Variants in NTAN1 observed in about 807,000 individuals in gnomAD.
NTAN1 encodes protein N-terminal asparagine amidohydrolase.
Under a neutral mutation model 41.9 loss-of-function variants are expected in NTAN1, and 32 were observed. The ratio of observed to expected loss-of-function variants is 0.76; its 90% confidence interval spans 0.58 to 1.03. The LOEUF (loss-of-function observed/expected upper bound fraction) is 1.03. NTAN1 is among the 50% of genes least tolerant of loss of function. NTAN1 has a pLI of 0.00. For missense variants in NTAN1, 377 were observed against 377.5 expected, an observed-to-expected ratio of 1.00 and a Z score of 0.01; for synonymous variants, 140 against 139.5, an observed-to-expected ratio of 1.00 and a Z score of -0.03.
intron 5 of NTAN1, among the ~76,000 whole-genome samples, chr16:15,043,816 C>T (rs916492685): frequency 2.6e-5 from 4 of 151,882 alleles, no homozygotes; most frequent in African/African-American, 4.8e-5. Flanking sequence ...GGTGTGGTGG[C>T]GCACGCCTGT....
intron 1 of NTAN1, 71 bp from the exon 2 acceptor site, chr16:15,048,170 G>C (rs1168229797): frequency 6.5e-6 from 7 of 1,078,016 alleles, no homozygotes; most frequent in Admixed American, 6.2e-5. Flanking sequence ...GATGTGGAGA[G>C]AGCCAAAGTG....
At chr16:15,040,430 T>G (rs997371740) in intron 7 of NTAN1, 6 of 220,010 alleles carry the variant, frequency 2.7e-5, no homozygotes, top group African/African-American at 1.1e-4. Context: ...ATCTTCACAA[T>G]TTAGTATTTT....
intron 1 of NTAN1, among the ~76,000 whole-genome samples, chr16:15,055,233 C>T (rs571646294): frequency 1.3e-5 from 2 of 152,274 alleles, no homozygotes; most frequent in East Asian, 1.9e-4. Context: ...CCTGCATAAG[C>T]GTGGACAAGA....
chr16:15,047,508 G>C lies in NTAN1; in HGVS notation c.293C>G (p.Thr98Ser). 6.2e-7 allele frequency: 1 copy of C among 1,614,078 alleles called. No homozygotes were observed. The highest frequency in any genetic ancestry group is 8.5e-7 in the Non-Finnish European group (1 of 1,179,932). Residue 98 changes from threonine (T) to serine (S), a missense_variant, in exon 4 of 10, where the codon ACC becomes AGC. Transcript: ENST00000287706. ...TCLTHCDGTDTKAEVPLIMNS... is the reference protein window; with the variant it reads ...TCLTHCDGTDSKAEVPLIMNS... ...CATGATCAAGGGGACCTCAGCTTTG[G>C]TGTCGGTTCCGTCACAATGTGTCAA...
chr16:15,047,307 A>G, intron 4 of NTAN1, 135 bp downstream of exon 4: 1 of 667,952 alleles, frequency 1.5e-6, no homozygotes, highest in Non-Finnish European at 2.7e-6. Context: ...ACGTCGTGCC[A>G]GGTTCTGTTC....
chr16:15,054,196 C>A (rs1420076873), intron 1 of NTAN1, among the ~76,000 whole-genome samples: 1 of 152,232 alleles, frequency 6.6e-6, no homozygotes, highest in Non-Finnish European at 1.5e-5. Context: ...AAATCTCTCT[C>A]GTGCCTGCAT....
intron 8 of NTAN1, among the ~76,000 whole-genome samples, chr16:15,038,956 C>G (rs1437133597): frequency 6.6e-6 from 1 of 152,174 alleles, no homozygotes; most frequent in Non-Finnish European, 1.5e-5. Context: ...ACTTGAGGCT[C>G]AGAGAAACAA....
intron 1 of NTAN1, among the ~76,000 whole-genome samples, chr16:15,054,783 ACTACT>A (rs1452220847): frequency 4.6e-5 from 7 of 152,226 alleles, no homozygotes; most frequent in Admixed American, 3.9e-4. Context: ...AAGTGAGGAC[ACTACT>A]CTTATCTGCC....
Position 15,047,507 on chromosome 16 carries a change from G to C in NTAN1, c.294C>G (p.Thr98=). The C allele has an allele frequency of 6.2e-7, 1 of 1,614,036 alleles. No homozygotes were observed. Among genetic ancestry groups the C allele is most frequent in the Non-Finnish European group, 8.5e-7 (1 of 1,179,908 alleles). Residue 98 remains threonine (T), a synonymous_variant, in exon 4 of 10, where the codon ACC becomes ACG. Coordinates refer to ENST00000287706, the MANE Select transcript of NTAN1 (RefSeq NM_173474.4). ...TCATGATCAAGGGGACCTCAGCTTT[G>C]GTGTCGGTTCCGTCACAATGTGTCA... ...TCLTHCDGTD[T]KAEVPLIMNS...
intron 8 of NTAN1, 21 bp from the exon 9 acceptor site, chr16:15,038,708 G>T (rs2043663612): frequency 1.5e-6 from 2 of 1,375,478 alleles, no homozygotes; most frequent in African/African-American, 1.4e-5. Flanking sequence ...ACGTGTCAAG[G>T]ATAGAATTTC....
Position 15,055,944 on chromosome 16 carries a change from C to G in NTAN1, c.28G>C (p.Val10Leu). Residue 10 changes from valine to leucine, a missense_variant, in exon 1 of 10, where the codon GTG becomes CTG. Val to Leu is a conservative substitution (Grantham distance 32). Transcript: ENST00000287706. MPLLVEGRR[V>L]RLPQSAGDLV... ...TCCCCGGCTGACTGCGGCAGCCGCA[C>G]TCGCCGCCCCTCGACGAGCAGCGGC... The G allele has an allele frequency of 8.1e-7, 1 of 1,231,122 alleles. No individual in the cohort carries two copies. The highest frequency in any genetic ancestry group is 1.0e-6 in the Non-Finnish European group (1 of 986,514). The allele number at this position is 1,231,122 out of a possible 1,614,324, so 76.3% of individuals were successfully genotyped here.
At chr16:15,046,697 CAAAAAAAAAAAAAA>C (rs9331444) in intron 4 of NTAN1, among the ~76,000 whole-genome samples, 2 of 43,620 alleles carry the variant, frequency 4.6e-5, no homozygotes, top group African/African-American at 9.6e-5. Context: ...CTGTCTCTAC[CAAAAAAAAAAAAAA>C]AAAAAAAAAA....
At chr16:15,044,835 A>G (rs1483815048) in intron 4 of NTAN1, 1 of 159,894 alleles carries the variant, frequency 6.3e-6, no homozygotes, top group African/African-American at 2.4e-5. Context: ...AAATACAAAA[A>G]TTAGGCCGGG....
At chr16:15,049,577 C>T (rs750423325) in intron 1 of NTAN1, among the ~76,000 whole-genome samples, 7 of 152,028 alleles carry the variant, frequency 4.6e-5, no homozygotes, top group South Asian at 2.1e-4. Flanking sequence ...TACAGGTGTG[C>T]GCCACCATGC....
At position 15,038,640 on chromosome 16, in the gene NTAN1, C is replaced by T. The variant is rs779619434; in HGVS notation, c.687G>A (p.Pro229=). ...CATGTGGAAATGGTGTCCAGGAGTA[C>T]GGTCCTATACGAAGTTGTTCTGTCT... ...DAETEQLRIG[P]YSWTPFPHVD... Residue 229 remains proline (P), a synonymous_variant, in exon 9 of 10, where the codon CCG becomes CCA. Transcript: ENST00000287706. 2.7e-5 allele frequency: 43 copies of T among 1,607,900 alleles called. No individual in the cohort carries two copies. Among genetic ancestry groups the T allele is most frequent in the Middle Eastern group, 1.7e-4 (1 of 6,050 alleles).
Position 15,038,132 on chromosome 16 carries a change from G to GTT in NTAN1, c.830_831dup (p.His278AsnfsTer83). On this transcript the variant is annotated frameshift_variant, in exon 10 of 10. Transcript: ENST00000287706. LOFTEE classifies it high-confidence loss of function. ...AACAGTGTGTGAGCTGGAGATGGGT[G>GTT]TTTTTTTAAAAACATCAAGGTAGAT... 6.2e-7 allele frequency: 1 copy of GTT among 1,612,156 alleles called. No homozygotes were observed. The highest frequency in any genetic ancestry group is 1.3e-5 in the African/African-American group (1 of 74,914).
chr16:15,037,876 A>G lies in NTAN1; in HGVS notation c.*155T>C, dbSNP rs2043584498. On this transcript the variant is annotated 3_prime_UTR_variant, in exon 10 of 10. Transcript: ENST00000287706. Reference sequence around the variant, plus strand: ...AATGCCTTTGCCAAAATAAGGTTTTATTTTGAAAGTCATTTGATGAAAGTC... The same window carrying G: ...AATGCCTTTGCCAAAATAAGGTTTTGTTTTGAAAGTCATTTGATGAAAGTC... 1.8e-6 allele frequency: 1 copy of G among 549,680 alleles called. No individual in the cohort carries two copies. The highest frequency in any genetic ancestry group is 2.9e-5 in the East Asian group (1 of 34,124). The allele number at this position is 549,680 out of a possible 1,614,324, so 34.1% of individuals were successfully genotyped here.
chr16:15,053,260 G>C (rs948785941), intron 1 of NTAN1, among the ~76,000 whole-genome samples: 8 of 152,256 alleles, frequency 5.3e-5, no homozygotes, highest in African/African-American at 1.4e-4. Context: ...CCTGGGGCCA[G>C]TTTCCCAGCC....
At chr16:15,042,234 G>A (rs2043850276) in intron 5 of NTAN1, among the ~76,000 whole-genome samples, 2 of 145,948 alleles carry the variant, frequency 1.4e-5, no homozygotes, top group African/African-American at 5.1e-5. Flanking sequence ...CACCCAGGCT[G>A]GAGTGCAGTG....
Sources: gnomAD v4.1 joint callset for allele counts (sites outside exome capture counted in the v4.1 genomes callset) on GRCh38, gnomAD v4.1.1 for gene constraint, MANE v1.5 for transcripts, NCBI Gene and HGNC (gene_info 2026-07-23, HGNC 2026-07-21) for gene names.